The following BEST2 variants were observed in gnomAD, a reference collection of about 807,000 sequenced individuals.
The protein encoded by BEST2 is bestrophin-2a.
BEST2 carries 36 observed loss-of-function variants against 49.0 expected under a neutral mutation model. That is an observed-to-expected ratio of 0.73 (90% CI 0.56 to 0.97). The LOEUF (loss-of-function observed/expected upper bound fraction) is 0.97, where lower values mean the gene tolerates loss of function less well. BEST2 is among the 50% of genes least tolerant of loss of function. The pLI, the probability that BEST2 is intolerant of heterozygous loss-of-function variation, is 0.00. For synonymous variants in BEST2, 335 were observed against 304.4 expected, an observed-to-expected ratio of 1.10 and a Z score of -1.05; for missense variants, 672 against 710.0, an observed-to-expected ratio of 0.95 and a Z score of 0.61.
In BEST2 at chr19:12,753,342, T is replaced by C. The variant is rs1340101300; in HGVS notation, c.235T>C (p.Ser79Pro). 6.2e-7 allele frequency: 1 copy of C among 1,614,106 alleles called. No homozygotes were observed. Among genetic ancestry groups the C allele is most frequent in the Non-Finnish European group, 8.5e-7 (1 of 1,179,986 alleles). ...CCAGTATGCCAGCCTCATCCCTGTC[T>C]CCTTCGTGCTTGGTGCGGTCCAACC... ...CDQYASLIPV[S>P]FVLGFYVTLV... Residue 79 changes from serine to proline, a missense_variant, in exon 3 of 10, where the codon TCC becomes CCC. Transcript: ENST00000553030.
chr19:12,756,781 G>C (rs1820088053), intron 9 of BEST2: 1 of 175,038 alleles, frequency 5.7e-6, no homozygotes, highest in African/African-American at 2.4e-5. Context: ...AGGAGTTCGA[G>C]GCTGCAGTGA....
chr19:12,754,713 G>A lies in BEST2; in HGVS notation c.409G>A (p.Val137Met), dbSNP rs778596981. ...TLMRYAGLSA[V>M]LILRSVSTAV... Reference sequence around the variant, plus strand: ...CATGCGCTACGCAGGGCTCTCGGCCGTGCTCATCCTGCGCTCCGTCAGCAC... The same window carrying A: ...CATGCGCTACGCAGGGCTCTCGGCCATGCTCATCCTGCGCTCCGTCAGCAC... Residue 137 changes from valine (V) to methionine (M), a missense_variant, in exon 4 of 10, where the codon GTG (valine) becomes ATG (methionine). This residue lies in a region of BEST2 where 365 missense variants were observed against 390.9 expected (regional missense o/e 0.93). Transcript: ENST00000553030. 18 of 1,591,040 alleles carry A rather than the reference G, an allele frequency of 1.1e-5. 1 individual carries two copies. Among genetic ancestry groups the A allele is most frequent in the Admixed American group, 5.3e-5 (3 of 56,530 alleles).
intron 2 of BEST2, 75 bp from the exon 3 acceptor site, chr19:12,753,185 G>A: frequency 6.7e-7 from 1 of 1,486,458 alleles, no homozygotes; most frequent in East Asian, 2.3e-5. Context: ...CAGGGTGAGG[G>A]GCACAGCAAG....
Position 12,755,603 on chromosome 19 carries a change from C to T in BEST2, c.715-12C>T, listed in dbSNP as rs760253225. 2.8e-5 allele frequency: 45 copies of T among 1,611,374 alleles called. No homozygotes were observed. The highest frequency in any genetic ancestry group is 6.7e-5 in the East Asian group (3 of 44,820). On this transcript the variant is annotated splice_polypyrimidine_tract_variant and intron_variant, in intron 6 of 9. Coordinates refer to ENST00000553030, the MANE Select transcript of BEST2 (RefSeq NM_017682.3). The surrounding 1 kb of genome is among the most constrained non-coding windows in gnomAD (Gnocchi z 4.4). ...CCAATGACCCCCCTGAGCCCTGCCCCGCCCTGCCCAGGTGGTGACCATCGC... is the reference window on the plus strand; with the variant it reads ...CCAATGACCCCCCTGAGCCCTGCCCTGCCCTGCCCAGGTGGTGACCATCGC...
At chr19:12,754,062 CTTTTT>C (rs36076549) in intron 3 of BEST2, among the ~76,000 whole-genome samples, 1 of 54,428 alleles carries the variant, frequency 1.8e-5, no homozygotes, top group Non-Finnish European at 3.5e-5. Flanking sequence ...GCTGCTCTGC[CTTTTT>C]TTTTTTTTTT....
At position 12,752,551 on chromosome 19, in the gene BEST2, G is replaced by A. The variant is rs371189502; in HGVS notation, c.-42G>A. The A allele has an allele frequency of 6.8e-5, 109 of 1,603,006 alleles. No individual in the cohort carries two copies. The highest frequency in any genetic ancestry group is 2.0e-4 in the African/African-American group (15 of 74,678). On this transcript the variant is annotated 5_prime_UTR_variant, in exon 2 of 10. Coordinates refer to ENST00000553030, the MANE Select transcript of BEST2 (RefSeq NM_017682.3). Reference sequence around the variant, plus strand: ...CCACCCACACCCGCAGCCCCCACCCGGGCCACCCACTCTCCCTTGGCCACA... The same window carrying A: ...CCACCCACACCCGCAGCCCCCACCCAGGCCACCCACTCTCCCTTGGCCACA...
Position 12,755,178 on chromosome 19 carries a change from C to T in BEST2, c.636+147C>T. ...ACTCTTACCTCCATGGGGCTGATTC[C>T]AATGCCCTTGAGGGGCAGCTCCTGG... is the stretch of plus-strand genomic sequence containing the variant. On this transcript the variant is annotated intron_variant, in intron 5 of 9. Transcript: ENST00000553030. The surrounding 1 kb of genome is among the most constrained non-coding windows in gnomAD (Gnocchi z 4.4). The T allele has an allele frequency of 2.6e-6, 3 of 1,173,566 alleles. No homozygotes were observed. The highest frequency in any genetic ancestry group is 3.5e-6 in the Non-Finnish European group (3 of 846,288). The allele number at this position is 1,173,566 out of a possible 1,614,324, so 72.7% of individuals were successfully genotyped here.
In BEST2 at chr19:12,756,257, G is replaced by T. The variant is rs1480149463; in HGVS notation, c.1065G>T (p.Leu355=). The change falls in exon 9 of 10, where the codon CTG becomes CTT. Residue 355 remains leucine, a synonymous_variant. Coordinates refer to ENST00000553030, the MANE Select transcript of BEST2 (RefSeq NM_017682.3). ...ACACAGCGGCTACTGTCTTCCAGCT[G>T]CGGCAGCCTTCCTTCCAGGGCTCCA... ...APYTAATVFQ[L]RQPSFQGSTF... 2 of 1,613,950 alleles carry T rather than the reference G, an allele frequency of 1.2e-6. No individual in the cohort carries two copies. Among genetic ancestry groups the T allele is most frequent in the South Asian group, 2.2e-5 (2 of 91,088 alleles).
chr19:12,755,270 C>G lies in BEST2; in HGVS notation c.637-109C>G. On this transcript the variant is annotated intron_variant, in intron 5 of 9. Coordinates refer to ENST00000553030, the MANE Select transcript of BEST2 (RefSeq NM_017682.3). The surrounding 1 kb of genome is among the most constrained non-coding windows in gnomAD (Gnocchi z 4.4). Reference sequence around the variant, plus strand: ...CCCTCCCTGGAACCCCCAAAGCACACTCCCAATTCCCACCAGGTGACCACC... The same window carrying G: ...CCCTCCCTGGAACCCCCAAAGCACAGTCCCAATTCCCACCAGGTGACCACC... 1 of 1,239,198 alleles carries G rather than the reference C, an allele frequency of 8.1e-7. No individual in the cohort carries two copies. Among genetic ancestry groups the G allele is most frequent in the Non-Finnish European group, 1.2e-6 (1 of 853,480 alleles). 76.8% of individuals were successfully genotyped at this position (1,239,198 alleles called of 1,614,324 possible).
chr19:12,752,556 A>C lies in BEST2; in HGVS notation c.-37A>C. The C allele has an allele frequency of 6.2e-7, 1 of 1,605,996 alleles. No individual in the cohort carries two copies. The highest frequency in any genetic ancestry group is 8.5e-7 in the Non-Finnish European group (1 of 1,176,756). On this transcript the variant is annotated 5_prime_UTR_variant, in exon 2 of 10. Coordinates refer to ENST00000553030, the MANE Select transcript of BEST2 (RefSeq NM_017682.3). ...CACACCCGCAGCCCCCACCCGGGCCACCCACTCTCCCTTGGCCACACCTGC... is the reference window on the plus strand; with the variant it reads ...CACACCCGCAGCCCCCACCCGGGCCCCCCACTCTCCCTTGGCCACACCTGC...
rs770649878 is a variant in BEST2 at position 12,757,906 on chromosome 19, C to T, written c.1359C>T (p.Leu453=). Residue 453 remains leucine, a synonymous_variant, in exon 10 of 10, where the codon CTC becomes CTT. Transcript: ENST00000553030. ...APECSCGDPL[L]DPGLPEPEAP... ...AGTGCAGCTGCGGGGACCCGCTGCT[C>T]GACCCCGGCCTGCCGGAGCCCGAGG... 14 of 1,555,948 alleles carry T rather than the reference C, an allele frequency of 9.0e-6. No individual in the cohort carries two copies. The highest frequency in any genetic ancestry group is 1.2e-5 in the Non-Finnish European group (14 of 1,151,660).
rs1425691033 is a variant in BEST2, at chr19:12,756,894, AGCACTTTGGGAGGCCAAG to A, written c.1103+603_1103+620del. On this transcript the variant is annotated intron_variant, in intron 9 of 9. Coordinates refer to ENST00000553030, the MANE Select transcript of BEST2 (RefSeq NM_017682.3). ...CGCAGTGGCTTATGCCTGTAATCCC[AGCACTTTGGGAGGCCAAG>A]GCAGGTGGATCACTTGAGGTCAGGA... Among the ~76,000 whole-genome samples, 10 of 152,212 alleles carry A rather than the reference AGCACTTTGGGAGGCCAAG, an allele frequency of 6.6e-5. No homozygotes were observed. In the South Asian group the frequency reaches 2.1e-3, roughly 32 times the overall value.
In BEST2 at chr19:12,754,959, C is replaced by T. The variant is rs1260626717; in HGVS notation, c.564C>T (p.Phe188=). 1 of 1,613,750 alleles carries T rather than the reference C, an allele frequency of 6.2e-7. No individual in the cohort carries two copies. The highest frequency in any genetic ancestry group is 1.3e-5 in the African/African-American group (1 of 74,916). ...YNKYWVPCVW[F]SNLAAQARRE... is the part of the protein sequence containing the mutation. ...AGTACTGGGTGCCCTGCGTCTGGTT[C>T]TCCAACCTGGCGGCACAGGCCCGAC... is the stretch of plus-strand genomic sequence containing the variant. Residue 188 remains phenylalanine (F), a synonymous_variant, in exon 5 of 10, where the codon TTC becomes TTT. Transcript: ENST00000553030.
chr19:12,757,436 A>G (rs1483878905), intron 9 of BEST2, among the ~76,000 whole-genome samples: 3 of 152,190 alleles, frequency 2.0e-5, no homozygotes, highest in South Asian at 2.1e-4. Context: ...TAAAATAAAA[A>G]TAAAAAAGGA....
In BEST2 at chr19:12,757,915, C is replaced by A; in HGVS notation, c.1368C>A (p.Gly456=). 6.4e-7 allele frequency: 1 copy of A among 1,560,738 alleles called. No homozygotes were observed. The highest frequency in any genetic ancestry group is 8.7e-7 in the Non-Finnish European group (1 of 1,154,364). ...CSCGDPLLDP[G]LPEPEAPPPA... is the part of the protein sequence containing the mutation. ...GCGGGGACCCGCTGCTCGACCCCGG[C>A]CTGCCGGAGCCCGAGGCCCCGCCCC... is the stretch of plus-strand genomic sequence containing the variant. The change falls in exon 10 of 10, where the codon GGC becomes GGA. Residue 456 remains glycine, a synonymous_variant. Coordinates refer to ENST00000553030, the MANE Select transcript of BEST2 (RefSeq NM_017682.3).
In BEST2 at chr19:12,753,312, T is replaced by C. The variant is rs780644746; in HGVS notation, c.205T>C (p.Cys69Arg). 41 of 1,614,158 alleles carry C rather than the reference T, an allele frequency of 2.5e-5. No homozygotes were observed. The highest frequency in any genetic ancestry group is 3.5e-5 in the Non-Finnish European group (41 of 1,180,008). ...CTACTTCGAGAAGCTTGTGATTTATTGTGACCAGTATGCCAGCCTCATCCC... is the reference window on the plus strand; with the variant it reads ...CTACTTCGAGAAGCTTGTGATTTATCGTGACCAGTATGCCAGCCTCATCCC... Reference protein sequence around the residue: ...KRYFEKLVIYCDQYASLIPVS... With the variant: ...KRYFEKLVIYRDQYASLIPVS... Residue 69 changes from cysteine (C) to arginine (R), a missense_variant, in exon 3 of 10, where the codon TGT becomes CGT. Around this residue, in one of 3 missense-constraint regions of BEST2, gnomAD observed 365 missense variants for 390.9 expected, o/e 0.93. Transcript: ENST00000553030.
At position 12,758,373 on chromosome 19, in the gene BEST2, C is replaced by T; in HGVS notation, c.*296C>T. On this transcript the variant is annotated 3_prime_UTR_variant, in exon 10 of 10. Coordinates refer to ENST00000553030, the MANE Select transcript of BEST2 (RefSeq NM_017682.3). ...GTGAAGATGTGACTGACTACCTCCT[C>T]GAGTTGTCATGAGGATGAAAGAATG... is the stretch of plus-strand genomic sequence containing the variant. 1 of 486,362 alleles carries T rather than the reference C, an allele frequency of 2.1e-6. No individual in the cohort carries two copies. The highest frequency in any genetic ancestry group is 3.7e-5 in the East Asian group (1 of 26,934). The allele number at this position is 486,362 out of a possible 1,614,324, so 30.1% of individuals were successfully genotyped here. A position where few individuals can be genotyped will look rare whatever the true frequency, so the allele number is the denominator to read the frequency against.
At position 12,752,726 on chromosome 19, in the gene BEST2, C is replaced by A. The variant is rs190553647; in HGVS notation, c.134C>A (p.Ala45Glu). Residue 45 changes from alanine (A) to glutamate (E), a missense_variant, in exon 2 of 10, where the codon GCG becomes GAG. Ala to Glu is a moderately radical substitution (Grantham distance 107). Coordinates refer to ENST00000553030, the MANE Select transcript of BEST2 (RefSeq NM_017682.3). The stretch of plus-strand genomic sequence containing the variant: ...CTCTGCTTCCTTGGGTTCTACATGG[C>A]GCTGAGTGCTGCCTACCGGTGAGGC... ...ELLCFLGFYM[A>E]LSAAYRFVLT... 1.9e-6 allele frequency: 3 copies of A among 1,611,686 alleles called. No individual in the cohort carries two copies. The highest frequency in any genetic ancestry group is 2.5e-6 in the Non-Finnish European group (3 of 1,179,606).
In BEST2 at chr19:12,755,511, T is replaced by G; in HGVS notation, c.714+55T>G. ...GGTGTCAGTGGCCCTGATGCCTGGT[T>G]TCCAAGGGGAAACCAAGAACTAGCT... On this transcript the variant is annotated intron_variant, in intron 6 of 9. Transcript: ENST00000553030. This position sits in a 1 kb window ranked among gnomAD's most constrained non-coding sequence, Gnocchi z 4.4. 2 of 1,611,368 alleles carry G rather than the reference T, an allele frequency of 1.2e-6. No individual in the cohort carries two copies. Among genetic ancestry groups the G allele is most frequent in the Non-Finnish European group, 1.7e-6 (2 of 1,177,690 alleles).
Sources: allele counts gnomAD v4.1 joint callset (sites outside exome capture counted in the v4.1 genomes callset), GRCh38; gene constraint gnomAD v4.1.1; regional missense constraint gnomAD v4.1.1; non-coding constraint Gnocchi (gnomAD v3.1); transcripts MANE v1.5; gene names NCBI Gene and HGNC (gene_info 2026-07-23, HGNC 2026-07-21).